The following ABCC12 variants were observed in gnomAD, a reference collection of about 807,000 sequenced individuals.
The protein encoded by ABCC12 is ATP binding cassette subfamily C member 12, also known as ATP-binding cassette sub-family C member 12.
ABCC12 carries 142 observed loss-of-function variants against 151.1 expected under a neutral mutation model. The ratio of observed to expected loss-of-function variants is 0.94; its 90% CI spans 0.82 to 1.08. The LOEUF is 1.08. Ranked by LOEUF, ABCC12 falls within the 50% of genes least tolerant of loss-of-function variation. ABCC12 has a pLI of 0.00. For synonymous variants in ABCC12, 645 were observed against 646.4 expected (o/e 1.00, Z 0.03); for missense variants, 1,638 against 1,691.1 (o/e 0.97, Z 0.55).
At chr16:48,141,083 C>A in intron 5 of ABCC12, 123 bp downstream of exon 5, 1 of 1,440,300 alleles carries the variant, frequency 6.9e-7, no homozygotes, top group Non-Finnish European at 9.3e-7. Context: ...GAAAATTCGC[C>A]CCCAAGGAGC....
chr16:48,124,147 C>T, intron 12 of ABCC12, 66 bp downstream of exon 12: 2 of 1,546,032 alleles, frequency 1.3e-6, no homozygotes, highest in Non-Finnish European at 1.8e-6. Flanking sequence ...CCACGCCTGA[C>T]CGGAAGGGAG....
chr16:48,086,554 T>C (rs924244853), intron 28 of ABCC12, 187 bp downstream of exon 28: 1 of 584,582 alleles, frequency 1.7e-6, no homozygotes, highest in African/African-American at 1.9e-5. Flanking sequence ...TGGATCATTG[T>C]AGAGCCCTAT....
intron 4 of ABCC12, among the ~76,000 whole-genome samples, chr16:48,142,516 C>T (rs1320332169): frequency 6.6e-6 from 1 of 152,148 alleles, no homozygotes; most frequent in Non-Finnish European, 1.5e-5. Flanking sequence ...AGTGCCTTGC[C>T]CTCAGTGCTC....
intron 10 of ABCC12, among the ~76,000 whole-genome samples, chr16:48,130,581 T>A (rs1964388523): frequency 6.6e-6 from 1 of 152,218 alleles, no homozygotes; most frequent in Non-Finnish European, 1.5e-5. Context: ...GATTATCTCG[T>A]CATTCCTACA....
At chr16:48,088,155 A>G in intron 26 of ABCC12, 70 bp from the exon 27 acceptor site, 3 of 1,526,488 alleles carry the variant, frequency 2.0e-6, no homozygotes, top group South Asian at 1.2e-5. Context: ...CAAGCATTTA[A>G]TCAGTGGGAT....
chr16:48,135,955 A>C (rs1299435500), intron 8 of ABCC12, among the ~76,000 whole-genome samples: 3 of 152,176 alleles, frequency 2.0e-5, no homozygotes, highest in African/African-American at 7.2e-5. Context: ...AGATGTTCTA[A>C]TGGCGTGATC....
intron 9 of ABCC12, 65 bp from the exon 10 acceptor site, chr16:48,130,960 A>G (rs1404001296): frequency 1.1e-5 from 12 of 1,122,628 alleles, no homozygotes; most frequent in African/African-American, 1.5e-5. Flanking sequence ...AAACCGTTAT[A>G]CACATGGGGT....
At chr16:48,089,224 G>C (rs1204145401) in intron 25 of ABCC12, among the ~76,000 whole-genome samples, 1 of 152,222 alleles carries the variant, frequency 6.6e-6, no homozygotes, top group Admixed American at 6.5e-5. Flanking sequence ...GGATGACTTA[G>C]AGGAATACAC....
At chr16:48,101,062 G>A in intron 22 of ABCC12, 53 bp from the exon 23 acceptor site, 1 of 1,593,424 alleles carries the variant, frequency 6.3e-7, no homozygotes, top group Non-Finnish European at 8.6e-7. Context: ...GTCTCATCAG[G>A]CTTGCCCTCA....
intron 26 of ABCC12, 126 bp from the exon 27 acceptor site, chr16:48,088,211 G>T: frequency 8.6e-7 from 1 of 1,162,686 alleles, no homozygotes; most frequent in Non-Finnish European, 1.2e-6. Context: ...AGTGTAGACA[G>T]AAAGTGTCCT....
intron 12 of ABCC12, among the ~76,000 whole-genome samples, chr16:48,123,338 C>T (rs982152643): frequency 9.2e-5 from 14 of 152,104 alleles, no homozygotes; most frequent in Non-Finnish European, 1.9e-4. Flanking sequence ...ACTCTCAGAG[C>T]GTGGGTGACC....
chr16:48,107,189 C>G, intron 20 of ABCC12, 133 bp downstream of exon 20: 1 of 854,290 alleles, frequency 1.2e-6, no homozygotes, highest in Non-Finnish European at 1.9e-6. Context: ...GCATCTGACT[C>G]CCACTTCTTG....
chr16:48,131,719 C>T (rs1964432485), intron 9 of ABCC12, among the ~76,000 whole-genome samples: 1 of 152,194 alleles, frequency 6.6e-6, no homozygotes, highest in South Asian at 2.1e-4. Context: ...ATTAATAATA[C>T]AACTTTCTTC....
At chr16:48,088,935 CAATA>C (rs1266570285) in intron 25 of ABCC12, among the ~76,000 whole-genome samples, 2 of 151,994 alleles carry the variant, frequency 1.3e-5, no homozygotes, top group Non-Finnish European at 2.9e-5. Flanking sequence ...AAAATGAAGA[CAATA>C]AAACAGAATA....
chr16:48,084,091 T>C lies in ABCC12; in HGVS notation c.3829-18A>G, dbSNP rs1359344391. ...AGAATGATCTGTGGAGGAGGAAACA[T>C]TATAAGCCAAAGGCGCACTGAGAGG... On this transcript the variant is annotated intron_variant, in intron 29 of 30. Coordinates refer to ENST00000311303, the MANE Select transcript of ABCC12 (RefSeq NM_001393797.1). 6.3e-7 allele frequency: 1 copy of C among 1,594,288 alleles called. No homozygotes were observed. The highest frequency in any genetic ancestry group is 2.2e-5 in the East Asian group (1 of 44,586).
At chr16:48,085,776 T>C (rs570075913) in intron 28 of ABCC12, 70 bp from the exon 29 acceptor site, 4 of 1,251,722 alleles carry the variant, frequency 3.2e-6, no homozygotes, top group East Asian at 4.7e-5. Flanking sequence ...TCTGTATTGA[T>C]TGCCCCCTTC....
chr16:48,116,345 T>C lies in ABCC12; in HGVS notation c.1786-727A>G, dbSNP rs565613911. On this transcript the variant is annotated intron_variant, in intron 14 of 30. Coordinates refer to ENST00000311303, the MANE Select transcript of ABCC12 (RefSeq NM_001393797.1). ...AGCTCCACGGTGGGCAGGGTAGTTATGTACATAATAGCAGCAGCAAGCAGA... is the reference window on the plus strand; with the variant it reads ...AGCTCCACGGTGGGCAGGGTAGTTACGTACATAATAGCAGCAGCAAGCAGA... Among the ~76,000 whole-genome samples the C allele has an allele frequency of 7.9e-5, 12 of 152,262 alleles. No homozygotes were observed. The South Asian group carries it at 1.9e-3, about 24-fold the overall frequency.
chr16:48,141,401 C>T (rs1306239541), intron 4 of ABCC12, 48 bp from the exon 5 acceptor site: 2 of 1,604,744 alleles, frequency 1.2e-6, no homozygotes, highest in Non-Finnish European at 1.7e-6. Flanking sequence ...CTTCTATGTG[C>T]TGTTTGAAGC....
At chr16:48,146,514 A>T (rs1366327700) in intron 2 of ABCC12, 40 bp from the exon 3 acceptor site, 5 of 1,049,152 alleles carry the variant, frequency 4.8e-6, no homozygotes, top group Non-Finnish European at 7.3e-6. Flanking sequence ...AGAGGTGAGG[A>T]TGTCTGATTG....
Sources: gnomAD v4.1 joint callset for allele counts (sites outside exome capture counted in the v4.1 genomes callset) on GRCh38, gnomAD v4.1.1 for gene constraint, MANE v1.5 for transcripts, NCBI Gene and HGNC (gene_info 2026-07-23, HGNC 2026-07-21) for gene names.